The following MACROD2 variants were observed in gnomAD, a reference collection of about 807,000 sequenced individuals.
The protein encoded by MACROD2 is mono-ADP ribosylhydrolase 2.
MACROD2 carries 36 observed loss-of-function variants against 70.4 expected under a neutral mutation model. The observed-to-expected ratio is 0.51, with a 90% CI of 0.39 to 0.68. The LOEUF (loss-of-function observed/expected upper bound fraction) is 0.68, where lower values mean the gene tolerates loss of function less well. Among genes scored for constraint, MACROD2 ranks in the 30% least tolerant of loss-of-function variants. The probability of loss-of-function intolerance (pLI) is 0.00; values close to 1 mark genes in which losing one functional copy is unlikely to be tolerated. For missense variants in MACROD2, 496 were observed against 538.4 expected, an observed-to-expected ratio of 0.92 and a Z score of 0.78; for synonymous variants, 172 against 178.8, an observed-to-expected ratio of 0.96 and a Z score of 0.30.
intron 3 of MACROD2, among the ~76,000 whole-genome samples, chr20:14,089,092 C>T (rs897714285): frequency 6.6e-6 from 1 of 152,194 alleles, no homozygotes; most frequent in Non-Finnish European, 1.5e-5. Context: ...TATATGAAGA[C>T]AGGCAGCAAC....
intron 6 of MACROD2, among the ~76,000 whole-genome samples, chr20:15,372,405 C>T (rs942443190): frequency 5.9e-5 from 9 of 152,226 alleles, no homozygotes; most frequent in African/African-American, 2.2e-4. Context: ...TTAATTTTTA[C>T]AGTTGAATGG....
intron 3 of MACROD2, among the ~76,000 whole-genome samples, chr20:14,410,908 G>C (rs1194275032): frequency 6.6e-6 from 1 of 152,050 alleles, no homozygotes; most frequent in Non-Finnish European, 1.5e-5. Flanking sequence ...AGACCAACCT[G>C]AGCAGATGAC....
At chr20:14,737,107 C>T (rs910541374) in intron 5 of MACROD2, among the ~76,000 whole-genome samples, 2 of 152,224 alleles carry the variant, frequency 1.3e-5, no homozygotes, top group African/African-American at 2.4e-5. Flanking sequence ...TTCCCCTAGC[C>T]CCCACCACCC....
At chr20:15,382,645 GAA>G (rs1325808938) in intron 6 of MACROD2, among the ~76,000 whole-genome samples, 1 of 152,190 alleles carries the variant, frequency 6.6e-6, no homozygotes, top group African/African-American at 2.4e-5. Context: ...AGGAAAAGGA[GAA>G]AGAATGAGAA....
chr20:16,020,768 G>C (rs1019057305), intron 15 of MACROD2, among the ~76,000 whole-genome samples: 2 of 151,872 alleles, frequency 1.3e-5, no homozygotes, highest in Non-Finnish European at 2.9e-5. Context: ...CAAGTGGGAT[G>C]GGGGGAAGGA....
chr20:14,490,111 G>T (rs1200932681), intron 3 of MACROD2, among the ~76,000 whole-genome samples: 1 of 152,116 alleles, frequency 6.6e-6, no homozygotes, highest in African/African-American at 2.4e-5. Flanking sequence ...TTCCAGGAAA[G>T]GGATTCCTAT....
At chr20:14,850,530 G>T (rs1295847309) in intron 5 of MACROD2, 2 of 152,444 alleles carry the variant, frequency 1.3e-5, no homozygotes, top group Non-Finnish European at 2.9e-5. Context: ...GCTTCAACTA[G>T]AGTGTTTAAT....
intron 8 of MACROD2, among the ~76,000 whole-genome samples, chr20:15,836,291 G>C (rs1001639772): frequency 2.0e-5 from 3 of 152,110 alleles, no homozygotes; most frequent in Non-Finnish European, 4.4e-5. Flanking sequence ...ATGAAAGTTG[G>C]AAAGTATTTG....
chr20:14,983,173 C>T (rs1281614683), intron 5 of MACROD2, among the ~76,000 whole-genome samples: 1 of 152,100 alleles, frequency 6.6e-6, no homozygotes, highest in Admixed American at 6.5e-5. Flanking sequence ...CCAATTTCTC[C>T]CATTTGGATC....
At chr20:15,614,732 T>A (rs908050214) in intron 8 of MACROD2, among the ~76,000 whole-genome samples, 1 of 152,164 alleles carries the variant, frequency 6.6e-6, no homozygotes, top group African/African-American at 2.4e-5. Flanking sequence ...CTCGAGGAGA[T>A]TGATATATCT....
At chr20:14,661,453 C>T (rs1450232729) in intron 4 of MACROD2, among the ~76,000 whole-genome samples, 1 of 151,958 alleles carries the variant, frequency 6.6e-6, no homozygotes, top group Non-Finnish European at 1.5e-5. Context: ...GGATATTAGA[C>T]CTTTATCACA....
intron 8 of MACROD2, among the ~76,000 whole-genome samples, chr20:15,756,473 T>C (rs1210666190): frequency 6.6e-6 from 1 of 151,694 alleles, no homozygotes; most frequent in Non-Finnish European, 1.5e-5. Flanking sequence ...TAAGCAGGAG[T>C]AAAATAACAT....
chr20:14,234,056 A>T (rs2081846217), intron 3 of MACROD2, among the ~76,000 whole-genome samples: 5 of 152,200 alleles, frequency 3.3e-5, no homozygotes, highest in Admixed American at 6.5e-5. Context: ...ACTTTAATAA[A>T]TAATAATGTA....
intron 7 of MACROD2, among the ~76,000 whole-genome samples, chr20:15,450,040 A>G (rs1001747297): frequency 6.6e-6 from 1 of 152,122 alleles, no homozygotes; most frequent in African/African-American, 2.4e-5. Flanking sequence ...CACACAACAG[A>G]TATTAAGCCA....
chr20:14,394,676 CA>C (rs1028232137), intron 3 of MACROD2, among the ~76,000 whole-genome samples: 72 of 152,270 alleles, frequency 4.7e-4, no homozygotes, highest in African/African-American at 1.3e-3. Flanking sequence ...TTCCTAATCT[CA>C]GGGGTAAAGC....
intron 8 of MACROD2, among the ~76,000 whole-genome samples, chr20:15,592,285 T>C (rs1160309203): frequency 6.6e-6 from 1 of 152,232 alleles, no homozygotes; most frequent in African/African-American, 2.4e-5. Flanking sequence ...ATCACTTCTA[T>C]TGTTAAGACA....
At chr20:15,513,405 C>A (rs1286989708) in intron 8 of MACROD2, among the ~76,000 whole-genome samples, 1 of 152,196 alleles carries the variant, frequency 6.6e-6, no homozygotes, top group East Asian at 1.9e-4. Context: ...GAAGTTGTTG[C>A]AGCAGGAATG....
At chr20:14,038,976 TATTTTACAA>T (rs1276915252) in intron 2 of MACROD2, among the ~76,000 whole-genome samples, 1 of 152,194 alleles carries the variant, frequency 6.6e-6, no homozygotes, top group Non-Finnish European at 1.5e-5. Flanking sequence ...AGATAAACTA[TATTTTACAA>T]ATTTTATCAG....
chr20:15,850,307 C>T (rs889652127), intron 8 of MACROD2, among the ~76,000 whole-genome samples: 4 of 152,166 alleles, frequency 2.6e-5, no homozygotes, highest in Non-Finnish European at 5.9e-5. Flanking sequence ...CATCAACTCC[C>T]GTCAGTCTTT....
Sources: allele counts gnomAD v4.1 joint callset (sites outside exome capture counted in the v4.1 genomes callset), GRCh38; gene constraint gnomAD v4.1.1; transcripts MANE v1.5; gene names NCBI Gene and HGNC (gene_info 2026-07-23, HGNC 2026-07-21).